The following NCEH1 variants were observed in gnomAD, a reference collection of about 807,000 sequenced individuals.
The protein encoded by NCEH1 is 2-acetyl MAGE hydrolase.
NCEH1 carries 9 observed loss-of-function variants against 25.4 expected under a neutral mutation model. The ratio of observed to expected loss-of-function variants is 0.35; its 90% CI spans 0.21 to 0.62. The LOEUF (loss-of-function observed/expected upper bound fraction) is 0.62. Among genes scored for constraint, NCEH1 ranks in the 20% least tolerant of loss-of-function variants. The pLI is 0.72. For synonymous variants in NCEH1, 200 were observed against 199.8 expected, an observed-to-expected ratio of 1.00 and a Z score of -0.01; for missense variants, 412 against 501.1, an observed-to-expected ratio of 0.82 and a Z score of 1.70.
chr3:172,662,260 T>C lies in NCEH1; in HGVS notation c.139-14146A>G, dbSNP rs143083284. ...TTTGTCTTTGGTTCTGTTTATAAGA[T>C]GGATTACATTTATTGATTTTCATAT... On this transcript the variant is annotated intron_variant, in intron 1 of 4. Transcript: ENST00000475381. 1.5e-3 allele frequency among the ~76,000 whole-genome samples: 225 copies of C among 152,344 alleles called. 2 individuals are homozygous for C. The highest frequency in any genetic ancestry group is 5.1e-3 in the African/African-American group (213 of 41,578).
At position 172,653,744 on chromosome 3, in the gene NCEH1, G is replaced by GTTTTTTTTTTTTTTT. The variant is rs796835886; in HGVS notation, c.139-5631_139-5630insAAAAAAAAAAAAAAA. On this transcript the variant is annotated intron_variant, in intron 1 of 4. Transcript: ENST00000475381. ...TTGTTGTTGTTGTTCTGTTTTTTTTGTTTTTTTGTTTTTTTGTTTTTTTTT... is the reference window on the plus strand; with the variant it reads ...TTGTTGTTGTTGTTCTGTTTTTTTTGTTTTTTTTTTTTTTTTTTTTTTGTTTTTTTGTTTTTTTTT... Among the ~76,000 whole-genome samples the GTTTTTTTTTTTTTTT allele has an allele frequency of 1.9e-4, 18 of 95,644 alleles. 1 individual carries two copies. The highest frequency in any genetic ancestry group is 4.6e-4 in the African/African-American group (11 of 23,900). The allele number at this position is 95,644 out of a possible 152,430, so 62.7% of individuals were successfully genotyped here. A position where few individuals can be genotyped will look rare whatever the true frequency, so the allele number is the denominator to read the frequency against.
intron 1 of NCEH1, among the ~76,000 whole-genome samples, chr3:172,655,996 G>T (rs1717675268): frequency 6.6e-6 from 1 of 152,186 alleles, no homozygotes; most frequent in African/African-American, 2.4e-5. Context: ...TATTAAGGGG[G>T]AAGAGATTTC....
intron 1 of NCEH1, among the ~76,000 whole-genome samples, chr3:172,664,213 T>C (rs180957325): frequency 9.1e-4 from 139 of 152,332 alleles, no homozygotes; most frequent in Non-Finnish European, 1.6e-3. Flanking sequence ...TCTCCTTCAC[T>C]TATGAAGCTT....
rs1218757416 is a variant in NCEH1 at position 172,710,830 on chromosome 3, G to A, written c.138+17C>T. On this transcript the variant is annotated intron_variant, in intron 1 of 4. Coordinates refer to ENST00000475381, the MANE Select transcript of NCEH1 (RefSeq NM_020792.6). ...GTAAGAGGAGGAAGAGAGAAGCAGC[G>A]CTGGGCTGCACCTCACCACTTGCTG... 1 of 1,613,292 alleles carries A rather than the reference G, an allele frequency of 6.2e-7. No homozygotes were observed. Among genetic ancestry groups the A allele is most frequent in the East Asian group, 2.2e-5 (1 of 44,876 alleles).
rs571089291 is a variant in NCEH1 at position 172,694,880 on chromosome 3, A to AT, written c.138+15966dup. On this transcript the variant is annotated intron_variant, in intron 1 of 4. Coordinates refer to ENST00000475381, the MANE Select transcript of NCEH1 (RefSeq NM_020792.6). ...TTCATGGATTTCCAGGGTTTCCATT[A>AT]TCACTGACCTGCCAACAAATTTCTC... 2.0e-3 allele frequency among the ~76,000 whole-genome samples: 302 copies of AT among 152,296 alleles called. 2 individuals carry two copies. The highest frequency in any genetic ancestry group is 3.2e-3 in the Non-Finnish European group (220 of 68,032).
chr3:172,635,493 T>TA (rs943677526), intron 4 of NCEH1, among the ~76,000 whole-genome samples: 8 of 151,930 alleles, frequency 5.3e-5, no homozygotes, highest in Non-Finnish European at 1.0e-4. Context: ...TCTTTTACAT[T>TA]AAAAAAAAGT....
intron 1 of NCEH1, among the ~76,000 whole-genome samples, chr3:172,684,445 G>A (rs931732715): frequency 6.6e-6 from 1 of 152,058 alleles, no homozygotes; most frequent in Non-Finnish European, 1.5e-5. Context: ...AATTGGAAAT[G>A]GCTCACTAAA....
At chr3:172,660,576 G>C (rs922422527) in intron 1 of NCEH1, among the ~76,000 whole-genome samples, 10 of 152,202 alleles carry the variant, frequency 6.6e-5, no homozygotes, top group Non-Finnish European at 1.3e-4. Flanking sequence ...GGTTGAACTA[G>C]TTTACACTTC....
intron 3 of NCEH1, among the ~76,000 whole-genome samples, chr3:172,640,564 G>C (rs577235650): frequency 3.0e-4 from 46 of 152,146 alleles, no homozygotes; most frequent in Non-Finnish European, 4.7e-4. Flanking sequence ...CTGGAGTGCA[G>C]TGGCACAATC....
intron 1 of NCEH1, among the ~76,000 whole-genome samples, chr3:172,664,468 G>A (rs1249426841): frequency 6.6e-6 from 1 of 152,144 alleles, no homozygotes; most frequent in Admixed American, 6.5e-5. Context: ...GAGTATCTTT[G>A]TGGCATTCTC....
intron 2 of NCEH1, 109 bp from the exon 3 acceptor site, chr3:172,645,801 A>G (rs768549969): frequency 2.1e-5 from 12 of 583,952 alleles, no homozygotes; most frequent in Non-Finnish European, 3.3e-5. Context: ...AATACTAAAA[A>G]CAAATAATAA....
chr3:172,662,109 C>CA (rs1717999628), intron 1 of NCEH1, among the ~76,000 whole-genome samples: 1 of 152,174 alleles, frequency 6.6e-6, no homozygotes, highest in Non-Finnish European at 1.5e-5. Flanking sequence ...GTGGGTTTGT[C>CA]ATACATAGCT....
chr3:172,647,346 A>G (rs921190911), intron 2 of NCEH1, among the ~76,000 whole-genome samples: 2 of 152,238 alleles, frequency 1.3e-5, no homozygotes, highest in East Asian at 3.8e-4. Context: ...TAAAGAAAAT[A>G]TTCTTGAACT....
At chr3:172,669,339 T>C (rs141722781) in intron 1 of NCEH1, among the ~76,000 whole-genome samples, 11 of 152,326 alleles carry the variant, frequency 7.2e-5, no homozygotes, top group Admixed American at 5.9e-4. Context: ...ATGGCTGAAC[T>C]TTTTTTAGAG....
chr3:172,692,152 A>G (rs529074219), intron 1 of NCEH1, among the ~76,000 whole-genome samples: 8 of 152,220 alleles, frequency 5.3e-5, no homozygotes, highest in African/African-American at 9.6e-5. Flanking sequence ...TTTGTTTCAA[A>G]CTTTAAACAA....
intron 1 of NCEH1, among the ~76,000 whole-genome samples, chr3:172,672,229 G>A (rs539236529): frequency 5.3e-5 from 8 of 152,242 alleles, no homozygotes; most frequent in African/African-American, 7.2e-5. Context: ...ACTTACCACT[G>A]CATTATAATT....
intron 1 of NCEH1, among the ~76,000 whole-genome samples, chr3:172,660,814 G>T (rs1418281437): frequency 6.6e-6 from 1 of 152,158 alleles, no homozygotes; most frequent in African/African-American, 2.4e-5. Context: ...CCCACTTTTT[G>T]ATGGGATTGA....
intron 1 of NCEH1, among the ~76,000 whole-genome samples, chr3:172,705,992 C>G: frequency 7.6e-6 from 1 of 131,850 alleles, no homozygotes; most frequent in East Asian, 2.2e-4. Flanking sequence ...AGTGAGACTC[C>G]ATCTCAACAA....
At chr3:172,689,173 C>A (rs1368592959) in intron 1 of NCEH1, among the ~76,000 whole-genome samples, 1 of 148,316 alleles carries the variant, frequency 6.7e-6, no homozygotes, top group Non-Finnish European at 1.5e-5. Flanking sequence ...CTGAGGATTT[C>A]ATTTTGTTCA....
Sources: gnomAD v4.1 joint callset for allele counts (sites outside exome capture counted in the v4.1 genomes callset) on GRCh38, gnomAD v4.1.1 for gene constraint, MANE v1.5 for transcripts, NCBI Gene and HGNC (gene_info 2026-07-23, HGNC 2026-07-21) for gene names.